The following ESRRG variants were observed in gnomAD, a reference collection of about 807,000 sequenced individuals.
ESRRG encodes the protein estrogen-related receptor gamma.
ESRRG carries 13 observed loss-of-function variants against 44.0 expected under a neutral mutation model. That is an observed-to-expected ratio of 0.30 (90% CI 0.19 to 0.47). The LOEUF (loss-of-function observed/expected upper bound fraction) is 0.47. Among genes scored for constraint, ESRRG ranks in the 20% least tolerant of loss-of-function variants. The pLI is 1.00. For missense variants in ESRRG, 395 were observed against 580.6 expected, an observed-to-expected ratio of 0.68 and a Z score of 3.29; for synonymous variants, 215 against 214.6, an observed-to-expected ratio of 1.00 and a Z score of -0.02.
chr1:216,741,260 T>TTATAATTTATATTA (rs2090674771), intron 2 of ESRRG, among the ~76,000 whole-genome samples: 1 of 147,592 alleles, frequency 6.8e-6, no homozygotes, highest in Non-Finnish European at 1.5e-5. Context: ...TAATTTATAT[T>TTATAATTTATATTA]TATAATTTAT....
At chr1:216,881,855 G>A (rs1334206615) in intron 2 of ESRRG, among the ~76,000 whole-genome samples, 1 of 152,096 alleles carries the variant, frequency 6.6e-6, no homozygotes, top group Non-Finnish European at 1.5e-5. Flanking sequence ...GAACCATCTG[G>A]TAACTGACTT....
chr1:216,704,901 C>T (rs2082146086), intron 1 of ESRRG, among the ~76,000 whole-genome samples: 1 of 152,070 alleles, frequency 6.6e-6, no homozygotes, highest in Non-Finnish European at 1.5e-5. Flanking sequence ...ATTCACAGTT[C>T]TAAACTTTGA....
chr1:216,568,710 C>T (rs2060130943), intron 3 of ESRRG, among the ~76,000 whole-genome samples: 1 of 152,136 alleles, frequency 6.6e-6, no homozygotes, highest in Non-Finnish European at 1.5e-5. Context: ...TATTTCCTCT[C>T]ATATGTGAGA....
At chr1:217,034,616 A>G (rs1357499279) in intron 1 of ESRRG, among the ~76,000 whole-genome samples, 1 of 152,190 alleles carries the variant, frequency 6.6e-6, no homozygotes, top group Non-Finnish European at 1.5e-5. Flanking sequence ...ACTGCTTCCC[A>G]TGAGACAAAA....
At chr1:216,676,589 C>A (rs1283543759) in intron 2 of ESRRG, among the ~76,000 whole-genome samples, 1 of 152,052 alleles carries the variant, frequency 6.6e-6, no homozygotes, top group Non-Finnish European at 1.5e-5. Context: ...AGGCCCCCAC[C>A]CCAGATCTAA....
At chr1:217,033,247 A>G (rs941758059) in intron 1 of ESRRG, among the ~76,000 whole-genome samples, 1 of 152,146 alleles carries the variant, frequency 6.6e-6, no homozygotes, top group Non-Finnish European at 1.5e-5. Context: ...TTGCAGAAGC[A>G]CCTGTCCCCT....
intron 5 of ESRRG, among the ~76,000 whole-genome samples, chr1:216,533,417 A>G (rs2149151206): frequency 6.6e-6 from 1 of 152,276 alleles, no homozygotes; most frequent in East Asian, 1.9e-4. Flanking sequence ...GAGAGTGTAT[A>G]AGAAAAACTC....
chr1:217,030,642 C>T (rs1319196643), intron 1 of ESRRG, among the ~76,000 whole-genome samples: 1 of 152,102 alleles, frequency 6.6e-6, no homozygotes, highest in Middle Eastern at 3.2e-3. Context: ...TTTCTTTGCT[C>T]ACTGATATGT....
Position 216,506,677 on chromosome 1 carries a change from T to C in ESRRG, c.*262A>G. On this transcript the variant is annotated 3_prime_UTR_variant, in exon 7 of 7. Coordinates refer to ENST00000408911, the MANE Select transcript of ESRRG (RefSeq NM_001438.4). ...GAAAGAAGCAAAGAAATAAGGGAGGTGAAAGAAGAAAAGGAGAAAAAATAA... is the reference window on the plus strand; with the variant it reads ...GAAAGAAGCAAAGAAATAAGGGAGGCGAAAGAAGAAAAGGAGAAAAAATAA... The C allele has an allele frequency of 2.0e-6, 1 of 497,734 alleles. No homozygotes were observed. 30.8% of individuals were successfully genotyped at this position (497,734 alleles called of 1,614,324 possible). A position where few individuals can be genotyped will look rare whatever the true frequency, so the allele number is the denominator to read the frequency against.
chr1:216,576,808 T>C lies in ESRRG; in HGVS notation c.590-8710A>G, dbSNP rs183572943. ...GCATGGAGCCCTAATCTATGACACA[T>C]ACAAGTACAAATTATGTCATCTGCA... is the stretch of plus-strand genomic sequence containing the variant. On this transcript the variant is annotated intron_variant, in intron 3 of 6. Coordinates refer to ENST00000408911, the MANE Select transcript of ESRRG (RefSeq NM_001438.4). 3.4e-3 allele frequency among the ~76,000 whole-genome samples: 516 copies of C among 152,080 alleles called. 1 individual carries two copies. The highest frequency in any genetic ancestry group is 6.1e-3 in the Non-Finnish European group (417 of 67,940).
intron 1 of ESRRG, among the ~76,000 whole-genome samples, chr1:217,017,000 G>A (rs2079489840): frequency 6.6e-6 from 1 of 152,140 alleles, no homozygotes; most frequent in Non-Finnish European, 1.5e-5. Flanking sequence ...TTAACAGACT[G>A]CAAATCAATA....
intron 1 of ESRRG, among the ~76,000 whole-genome samples, chr1:217,113,117 A>T (rs2092678206): frequency 6.6e-6 from 1 of 152,208 alleles, no homozygotes; most frequent in Non-Finnish European, 1.5e-5. Context: ...AAGAGGGCAG[A>T]CTGTTTCCTG....
chr1:217,112,904 A>T (rs987140364), intron 1 of ESRRG, among the ~76,000 whole-genome samples: 3 of 152,242 alleles, frequency 2.0e-5, no homozygotes, highest in African/African-American at 7.2e-5. Flanking sequence ...ATGTGTAAGC[A>T]TCTGAACTGT....
intron 2 of ESRRG, among the ~76,000 whole-genome samples, chr1:216,939,365 A>AAAAAC (rs2064806175): frequency 1.4e-5 from 2 of 139,698 alleles, no homozygotes; most frequent in African/African-American, 6.0e-5. Context: ...AAAAAAAAAA[A>AAAAAC]AAAAACACTT....
At chr1:216,705,371 G>A (rs2082252641) in intron 1 of ESRRG, among the ~76,000 whole-genome samples, 1 of 151,914 alleles carries the variant, frequency 6.6e-6, no homozygotes, top group South Asian at 2.1e-4. Flanking sequence ...GACACAATCT[G>A]TGTAAATTAT....
chr1:216,515,618 G>A (rs887137117), intron 6 of ESRRG, among the ~76,000 whole-genome samples: 4 of 152,110 alleles, frequency 2.6e-5, no homozygotes, highest in African/African-American at 9.7e-5. Flanking sequence ...ATATCAATAG[G>A]TGCTATTATT....
At chr1:217,123,606 G>T (rs1441419535) in intron 1 of ESRRG, among the ~76,000 whole-genome samples, 3 of 152,092 alleles carry the variant, frequency 2.0e-5, no homozygotes, top group Non-Finnish European at 4.4e-5. Flanking sequence ...CTTCGCAGGG[G>T]CATGGATGAA....
Position 216,779,933 on chromosome 1 carries a change from T to C in ESRRG, c.-13-102442A>G, listed in dbSNP as rs150709504. Reference sequence around the variant, plus strand: ...ACATTAAAAATCAAACAAGATGCCATGTATAAAGTGACTAGCAGCCAACAT... The same window carrying C: ...ACATTAAAAATCAAACAAGATGCCACGTATAAAGTGACTAGCAGCCAACAT... On this transcript the variant is annotated intron_variant, in intron 2 of 7. Coordinates refer to the ESRRG transcript ENST00000359162. 7.7e-3 allele frequency among the ~76,000 whole-genome samples: 1,164 copies of C among 151,948 alleles called. 6 individuals carry two copies. Among genetic ancestry groups the C allele is most frequent in the Non-Finnish European group, 0.012 (845 of 67,966 alleles).
At chr1:216,749,751 A>G (rs1411291285) in intron 2 of ESRRG, among the ~76,000 whole-genome samples, 7 of 152,170 alleles carry the variant, frequency 4.6e-5, no homozygotes, top group African/African-American at 1.4e-4. Flanking sequence ...GGGAAGTATA[A>G]TTACGCAAAG....
Sources: gnomAD v4.1 joint callset for allele counts (sites outside exome capture counted in the v4.1 genomes callset) on GRCh38, gnomAD v4.1.1 for gene constraint, MANE v1.5 for transcripts, NCBI Gene and HGNC (gene_info 2026-07-23, HGNC 2026-07-21) for gene names.